LRCH2: variants seen among roughly 807,000 people sequenced by gnomAD.
LRCH2 encodes leucine rich repeats and calponin homology domain containing 2.
Under a neutral mutation model 68.9 loss-of-function variants are expected in LRCH2, and 38 were observed. The observed-to-expected ratio is 0.55, with a 90% CI of 0.43 to 0.72. The LOEUF (loss-of-function observed/expected upper bound fraction) is 0.72, where lower values mean the gene tolerates loss of function less well. Ranked by LOEUF, LRCH2 falls within the 30% of genes least tolerant of loss-of-function variation. The pLI, the probability that LRCH2 is intolerant of heterozygous loss-of-function variation, is 0.00. For synonymous variants in LRCH2, 191 were observed against 208.1 expected, an observed-to-expected ratio of 0.92 and a Z score of 0.71; for missense variants, 528 against 572.9, an observed-to-expected ratio of 0.92 and a Z score of 0.80.
Position 115,212,723 on chromosome X carries a change from C to T in LRCH2, c.349+20970G>A, listed in dbSNP as rs1284811501. Among the ~76,000 whole-genome samples, 13 of 109,676 alleles carry T rather than the reference C, an allele frequency of 1.2e-4. No homozygotes were observed. The East Asian group carries it at 3.6e-3, about 30-fold the overall frequency. On this transcript the variant is annotated intron_variant, in intron 1 of 20. Coordinates refer to ENST00000317135, the MANE Select transcript of LRCH2 (RefSeq NM_020871.4). ...CAGTGGCTCATATCTACAATCCCAA[C>T]ACTTTGGGAGGCCGAGGAGGGTGGA...
chrX:115,189,919 C>T, intron 1 of LRCH2: 1 of 1,158,202 alleles, frequency 8.6e-7, no homozygotes. Context: ...CTGGGCCAGC[C>T]CACCCCACAA....
chrX:115,223,014 G>A (rs2073095409), intron 1 of LRCH2, among the ~76,000 whole-genome samples: 1 of 111,892 alleles, frequency 8.9e-6, no homozygotes, highest in Admixed American at 9.5e-5. Flanking sequence ...ACAATTGAGA[G>A]TTCAGAAATA....
chrX:115,223,462 C>A (rs868984822), intron 1 of LRCH2, among the ~76,000 whole-genome samples: 3 of 91,111 alleles, frequency 3.3e-5, no homozygotes, highest in African/African-American at 7.9e-5. Context: ...TTTAAAAAAA[C>A]CTCTTACAAC....
intron 1 of LRCH2, among the ~76,000 whole-genome samples, chrX:115,201,252 CAT>C (rs1268722118): frequency 8.9e-6 from 1 of 111,815 alleles, no homozygotes; most frequent in Admixed American, 9.5e-5. Context: ...TTACACAACA[CAT>C]AGGAATTATG....
intron 14 of LRCH2, among the ~76,000 whole-genome samples, chrX:115,143,841 G>T (rs2072359491): frequency 8.9e-6 from 1 of 111,970 alleles, no homozygotes; most frequent in Non-Finnish European, 1.9e-5. Flanking sequence ...CAAATCAATT[G>T]TTGTGATACA....
intron 14 of LRCH2, among the ~76,000 whole-genome samples, chrX:115,141,755 TC>T (rs1166447239): frequency 9.3e-5 from 10 of 107,011 alleles, no homozygotes; most frequent in African/African-American, 3.1e-4. Flanking sequence ...ATGCCTGTAG[TC>T]CCAGCTACTC....
chrX:115,183,718 G>A (rs1556553466), intron 3 of LRCH2, among the ~76,000 whole-genome samples: 1 of 111,322 alleles, frequency 9.0e-6, no homozygotes, highest in African/African-American at 3.3e-5. Flanking sequence ...AAAAATACCT[G>A]TTTATTAGGA....
chrX:115,199,714 G>A (rs1012976928), intron 1 of LRCH2, among the ~76,000 whole-genome samples: 19 of 111,787 alleles, frequency 1.7e-4, no homozygotes, highest in African/African-American at 6.2e-4. Flanking sequence ...AGACTTCAAC[G>A]CACCACTCAC....
intron 11 of LRCH2, among the ~76,000 whole-genome samples, chrX:115,157,568 GATA>G (rs782715339): frequency 2.4e-3 from 261 of 107,283 alleles, no homozygotes; most frequent in African/African-American, 8.2e-3. Flanking sequence ...AGGAAAAAGT[GATA>G]ATGAGATGCA....
In LRCH2 at chrX:115,118,757, C is replaced by T. The variant is rs1434920743; in HGVS notation, c.2178+3770G>A. On this transcript the variant is annotated intron_variant, in intron 20 of 20. Coordinates refer to ENST00000317135, the MANE Select transcript of LRCH2 (RefSeq NM_020871.4). ...CCAATATCCTTGATGAACATTGATG[C>T]AAAAATCCTCAATAAAATACTGGCA... Among the ~76,000 whole-genome samples, 12 of 110,626 alleles carry T rather than the reference C, an allele frequency of 1.1e-4. No homozygotes were observed. The East Asian group carries it at 2.6e-3, about 24-fold the overall frequency.
At chrX:115,157,056 GA>G (rs2072480748) in intron 11 of LRCH2, among the ~76,000 whole-genome samples, 1 of 111,075 alleles carries the variant, frequency 9.0e-6, no homozygotes, top group Non-Finnish European at 1.9e-5. Flanking sequence ...TTTGCCAAAT[GA>G]AAAATTTTAA....
At chrX:115,127,287 T>C (rs1556528450) in intron 15 of LRCH2, among the ~76,000 whole-genome samples, 3 of 112,396 alleles carry the variant, frequency 2.7e-5, no homozygotes. Context: ...AAAATTTACA[T>C]GTATCTAATA....
chrX:115,185,418 A>G (rs1358483728), intron 2 of LRCH2, among the ~76,000 whole-genome samples: 4 of 112,224 alleles, frequency 3.6e-5, no homozygotes, highest in African/African-American at 9.7e-5. Flanking sequence ...TCAAAGTACT[A>G]TGGTCAAATT....
chrX:115,199,693 A>G (rs1344454245), intron 1 of LRCH2, among the ~76,000 whole-genome samples: 5 of 112,037 alleles, frequency 4.5e-5, no homozygotes, highest in African/African-American at 1.3e-4. Flanking sequence ...GACAGATACA[A>G]TAATGGTGGG....
chrX:115,153,145 C>CAAA (rs782365745), intron 12 of LRCH2, among the ~76,000 whole-genome samples: 1 of 31,282 alleles, frequency 3.2e-5, no homozygotes. Context: ...CCTGTCTCTA[C>CAAA]AAAAAAAAAA....
intron 1 of LRCH2, among the ~76,000 whole-genome samples, chrX:115,199,060 T>C: frequency 8.9e-6 from 1 of 112,201 alleles, no homozygotes; most frequent in Non-Finnish European, 1.9e-5. Context: ...AAACTGGCCC[T>C]ACAAGAAATG....
intron 1 of LRCH2, among the ~76,000 whole-genome samples, chrX:115,198,210 T>C (rs782756258): frequency 4.3e-4 from 47 of 109,745 alleles, no homozygotes; most frequent in Non-Finnish European, 7.4e-4. Flanking sequence ...ATATGAGAGA[T>C]TAAAAGGCTT....
At chrX:115,191,664 T>C (rs782265644) in intron 1 of LRCH2, 4 of 1,139,938 alleles carry the variant, frequency 3.5e-6, no homozygotes, top group South Asian at 1.9e-5. Flanking sequence ...GCGACCACTA[T>C]GGAGGAGGAG....
At chrX:115,187,264 T>C (rs924802252) in intron 2 of LRCH2, among the ~76,000 whole-genome samples, 2 of 112,181 alleles carry the variant, frequency 1.8e-5, no homozygotes, top group African/African-American at 6.5e-5. Flanking sequence ...ATATTAATTA[T>C]ATTTACTACT....
Sources: allele counts gnomAD v4.1 joint callset (sites outside exome capture counted in the v4.1 genomes callset), GRCh38; gene constraint gnomAD v4.1.1; transcripts MANE v1.5; gene names NCBI Gene and HGNC (gene_info 2026-07-23, HGNC 2026-07-21).